SIL1: variants seen among roughly 807,000 people sequenced by gnomAD.
The protein encoded by SIL1 is nucleotide exchange factor SIL1.
Under a neutral mutation model 49.1 loss-of-function variants are expected in SIL1, and 40 were observed. The observed-to-expected ratio is 0.81, with a 90% CI of 0.63 to 1.06. The LOEUF (loss-of-function observed/expected upper bound fraction) is 1.06. Ranked by LOEUF, SIL1 falls within the 50% of genes least tolerant of loss-of-function variation. The pLI is 0.00. For synonymous variants in SIL1, 253 were observed against 250.8 expected, an observed-to-expected ratio of 1.01 and a Z score of -0.08; for missense variants, 500 against 572.6, an observed-to-expected ratio of 0.87 and a Z score of 1.29.
At chr5:139,178,468 C>G (rs1751925895) in intron 1 of SIL1, among the ~76,000 whole-genome samples, 1 of 152,040 alleles carries the variant, frequency 6.6e-6, no homozygotes, top group Non-Finnish European at 1.5e-5. Context: ...CTCACCAACC[C>G]CTCCAACCTC....
chr5:139,137,530 T>A (rs1051075800), intron 1 of SIL1: 38 of 517,420 alleles, frequency 7.3e-5, no homozygotes, highest in South Asian at 2.4e-4. Context: ...ATTTTTTTTT[T>A]AATTTTATTA....
At chr5:139,195,236 ACT>A (rs1332699627) in intron 1 of SIL1, among the ~76,000 whole-genome samples, 2 of 149,518 alleles carry the variant, frequency 1.3e-5, no homozygotes, top group Non-Finnish European at 3.0e-5. Flanking sequence ...CCGGCCAGAG[ACT>A]CTCATGTTCT....
intron 7 of SIL1, among the ~76,000 whole-genome samples, chr5:139,004,344 G>A (rs966916302): frequency 6.6e-6 from 1 of 152,102 alleles, no homozygotes; most frequent in Non-Finnish European, 1.5e-5. Flanking sequence ...ACTGTTACCA[G>A]AAATGGATTT....
At chr5:139,102,658 A>G (rs1371912826) in intron 3 of SIL1, among the ~76,000 whole-genome samples, 5 of 151,290 alleles carry the variant, frequency 3.3e-5, no homozygotes, top group African/African-American at 4.9e-5. Context: ...CCCCTCCCAT[A>G]GCACCCAAGA....
In SIL1 at chr5:139,126,183, A is replaced by G. The variant is rs1029888212; in HGVS notation, c.105+1556T>C. Among the ~76,000 whole-genome samples, 18 of 152,258 alleles carry G rather than the reference A, an allele frequency of 1.2e-4. 1 individual carries two copies. The highest frequency in any genetic ancestry group is 8.3e-4 in the South Asian group (4 of 4,830). On this transcript the variant is annotated intron_variant, in intron 2 of 9. Transcript: ENST00000394817. ...TTCAACTCCTACTTGTGCTTAGCACATGATGAAAGATTATGACAAATGGAT... is the reference window on the plus strand; with the variant it reads ...TTCAACTCCTACTTGTGCTTAGCACGTGATGAAAGATTATGACAAATGGAT...
chr5:139,144,265 A>G (rs1033298315), intron 1 of SIL1, among the ~76,000 whole-genome samples: 4 of 152,110 alleles, frequency 2.6e-5, no homozygotes, highest in Non-Finnish European at 5.9e-5. Context: ...TCAAGGCTGC[A>G]GTGGGCTATG....
intron 2 of SIL1, among the ~76,000 whole-genome samples, chr5:139,125,387 C>T (rs1205047637): frequency 6.6e-6 from 1 of 152,118 alleles, no homozygotes; most frequent in African/African-American, 2.4e-5. Context: ...CGCTTGTATC[C>T]GAATAAGAGA....
chr5:139,074,894 T>C (rs1180666282), intron 3 of SIL1, among the ~76,000 whole-genome samples: 1 of 152,188 alleles, frequency 6.6e-6, no homozygotes, highest in Non-Finnish European at 1.5e-5. Context: ...GGCACAATCT[T>C]GGCTCACTGC....
chr5:139,115,511 T>G (rs943368809), intron 3 of SIL1, among the ~76,000 whole-genome samples: 2 of 152,182 alleles, frequency 1.3e-5, no homozygotes, highest in Non-Finnish European at 2.9e-5. Context: ...GAAGGAGGAC[T>G]GGAGATTGAG....
chr5:139,101,676 A>C (rs1770590939), intron 3 of SIL1, among the ~76,000 whole-genome samples: 2 of 152,216 alleles, frequency 1.3e-5, no homozygotes, highest in Non-Finnish European at 2.9e-5. Flanking sequence ...ATGCTCCCTG[A>C]GAGTAGAGAC....
intron 7 of SIL1, among the ~76,000 whole-genome samples, chr5:139,003,195 G>C (rs1768027832): frequency 6.6e-6 from 1 of 152,048 alleles, no homozygotes. Flanking sequence ...CTACAAGCAG[G>C]AGATGAGCTG....
chr5:139,179,988 C>T (rs992242067), intron 1 of SIL1, among the ~76,000 whole-genome samples: 13 of 149,546 alleles, frequency 8.7e-5, no homozygotes, highest in African/African-American at 3.0e-4. Context: ...CTCAGGAAGT[C>T]GAGGCTGCAG....
intron 7 of SIL1, among the ~76,000 whole-genome samples, chr5:138,983,422 G>A (rs1472192277): frequency 2.6e-5 from 4 of 151,204 alleles, no homozygotes; most frequent in Admixed American, 2.0e-4. Context: ...GCAGGAGAAT[G>A]GCGTGAACCC....
intron 7 of SIL1, among the ~76,000 whole-genome samples, chr5:138,981,821 ATCTC>A (rs371707390): frequency 3.3e-5 from 5 of 150,374 alleles, no homozygotes; most frequent in African/African-American, 4.9e-5. Context: ...CGTGCTCTCA[ATCTC>A]TCTCTCTTTT....
chr5:138,982,936 C>G (rs564333124), intron 7 of SIL1, among the ~76,000 whole-genome samples: 2 of 152,278 alleles, frequency 1.3e-5, no homozygotes, highest in South Asian at 2.1e-4. Flanking sequence ...GTGGCTCATG[C>G]CTGTAATCCC....
chr5:139,143,344 C>CACACATATAT (rs1451727500), intron 1 of SIL1, among the ~76,000 whole-genome samples: 3 of 97,532 alleles, frequency 3.1e-5, no homozygotes, highest in African/African-American at 1.6e-4. Context: ...CACACACACA[C>CACACATATAT]ATATATATAT....
intron 6 of SIL1, among the ~76,000 whole-genome samples, chr5:139,026,466 G>A (rs1262723342): frequency 3.9e-5 from 6 of 152,126 alleles, no homozygotes; most frequent in Non-Finnish European, 7.3e-5. Flanking sequence ...AGCTGGGCGT[G>A]GTGGTGCACA....
intron 3 of SIL1, among the ~76,000 whole-genome samples, chr5:139,107,140 A>G (rs1770731868): frequency 6.6e-6 from 1 of 152,108 alleles, no homozygotes; most frequent in Admixed American, 6.5e-5. Context: ...TTGCTATCTG[A>G]CCAATTATCT....
rs1554131611 is a variant in SIL1 at position 139,086,286 on chromosome 5, A to AAAAG, written c.244+34748_244+34749insCTTT. Among the ~76,000 whole-genome samples, 61 of 145,202 alleles carry AAAAG rather than the reference A, an allele frequency of 4.2e-4. No homozygotes were observed. In the Middle Eastern group the frequency reaches 0.021, roughly 50 times the overall value. On this transcript the variant is annotated intron_variant, in intron 3 of 9. Transcript: ENST00000394817. ...AGACCGTCTTAAAAAAAAAAAAAAA[A>AAAAG]AAGAAGAAGAAGAAGAAGCAATTTG...
Sources: gnomAD v4.1 joint callset for allele counts (sites outside exome capture counted in the v4.1 genomes callset) on GRCh38, gnomAD v4.1.1 for gene constraint, MANE v1.5 for transcripts, NCBI Gene and HGNC (gene_info 2026-07-23, HGNC 2026-07-21) for gene names.